Variants in EFCAB6 observed in about 807,000 individuals in gnomAD.
The protein encoded by EFCAB6 is EF-hand calcium binding domain 6.
EFCAB6 carries 156 observed loss-of-function variants against 169.8 expected under a neutral mutation model. The ratio of observed to expected loss-of-function variants is 0.92; its 90% CI spans 0.81 to 1.05. The LOEUF (loss-of-function observed/expected upper bound fraction) is 1.05. Among genes scored for constraint, EFCAB6 ranks in the 50% least tolerant of loss-of-function variants. The pLI is 0.00. For missense variants in EFCAB6, 1,800 were observed against 1,829.1 expected (o/e 0.98, Z 0.29); for synonymous variants, 698 against 676.4 (o/e 1.03, Z -0.50).
At chr22:43,649,714 A>C (rs1374792175) in intron 17 of EFCAB6, among the ~76,000 whole-genome samples, 1 of 152,182 alleles carries the variant, frequency 6.6e-6, no homozygotes, top group Non-Finnish European at 1.5e-5. Flanking sequence ...CAAATGAAAA[A>C]GACAGAAAAA....
At chr22:43,587,346 T>C (rs28485380) in intron 24 of EFCAB6, among the ~76,000 whole-genome samples, 38,558 of 152,226 alleles carry the variant, frequency 0.25, 5,257 homozygotes, top group African/African-American at 0.32. Context: ...TAGTTTCCTA[T>C]GGCTTTGTAC....
chr22:43,796,670 T>A (rs1458079201), intron 2 of EFCAB6, among the ~76,000 whole-genome samples: 1 of 152,044 alleles, frequency 6.6e-6, no homozygotes, highest in Non-Finnish European at 1.5e-5. Context: ...ATGTAAGAGC[T>A]GCAGACAATT....
chr22:43,547,193 T>C (rs1465609303), intron 27 of EFCAB6, among the ~76,000 whole-genome samples: 2 of 152,160 alleles, frequency 1.3e-5, no homozygotes, highest in African/African-American at 4.8e-5. Context: ...GGCAACTCAA[T>C]GTCATGTGCC....
chr22:43,584,501 G>T (rs2050932137), intron 24 of EFCAB6, among the ~76,000 whole-genome samples: 1 of 151,732 alleles, frequency 6.6e-6, no homozygotes, highest in Non-Finnish European at 1.5e-5. Context: ...TCACAGTGAA[G>T]ATCTGAGAAA....
At position 43,776,596 on chromosome 22, in the gene EFCAB6, A is replaced by G. The variant is rs189512454; in HGVS notation, c.140-3493T>C. ...AAGGATAAAAATGAGCCAGCCAGTC[A>G]AGAAGCTGAAGTAAGAATGTCTTCA... On this transcript the variant is annotated intron_variant, in intron 3 of 31. Transcript: ENST00000262726. 3.4e-3 allele frequency among the ~76,000 whole-genome samples: 511 copies of G among 152,350 alleles called. 2 individuals carry two copies. The highest frequency in any genetic ancestry group is 5.1e-3 in the Non-Finnish European group (350 of 68,028).
At chr22:43,725,576 A>T (rs1035105218) in intron 8 of EFCAB6, among the ~76,000 whole-genome samples, 4 of 152,226 alleles carry the variant, frequency 2.6e-5, no homozygotes, top group Non-Finnish European at 1.5e-5. Flanking sequence ...AAGTTTCAAC[A>T]TGAGTTTTGG....
chr22:43,663,936 C>T (rs2057124675), intron 17 of EFCAB6, among the ~76,000 whole-genome samples: 1 of 152,196 alleles, frequency 6.6e-6, no homozygotes, highest in Admixed American at 6.5e-5. Context: ...GTCCAGGGTA[C>T]TTTGTTAAAG....
At chr22:43,631,122 G>A (rs1254518564) in intron 19 of EFCAB6, among the ~76,000 whole-genome samples, 1 of 151,702 alleles carries the variant, frequency 6.6e-6, no homozygotes. Flanking sequence ...AGGCTGCTCT[G>A]ATACCCAGTC....
In EFCAB6 at chr22:43,558,236, G is replaced by GA. The variant is rs1225044640; in HGVS notation, c.3421-3141dup. On this transcript the variant is annotated intron_variant, in intron 26 of 31. Coordinates refer to ENST00000262726, the MANE Select transcript of EFCAB6 (RefSeq NM_022785.4). ...GGTAGAAAATCTCAATGGCATTTAGGAAAGTGGCTGGATTCAAGCTAAAAG... is the reference window on the plus strand; with the variant it reads ...GGTAGAAAATCTCAATGGCATTTAGGAAAAGTGGCTGGATTCAAGCTAAAAG... Among the ~76,000 whole-genome samples, 14 of 152,262 alleles carry GA rather than the reference G, an allele frequency of 9.2e-5. No homozygotes were observed. In the East Asian group the frequency reaches 2.7e-3, roughly 29 times the overall value.
At chr22:43,636,117 A>G (rs2055373726) in intron 17 of EFCAB6, among the ~76,000 whole-genome samples, 1 of 152,224 alleles carries the variant, frequency 6.6e-6, no homozygotes, top group Non-Finnish European at 1.5e-5. Flanking sequence ...GGGGCCAAAG[A>G]CGTCCAGGAT....
intron 28 of EFCAB6, among the ~76,000 whole-genome samples, chr22:43,539,176 C>T (rs1238166160): frequency 6.6e-6 from 1 of 152,178 alleles, no homozygotes; most frequent in African/African-American, 2.4e-5. Flanking sequence ...TTAGCAACTT[C>T]AGTTCTGTTT....
intron 12 of EFCAB6, among the ~76,000 whole-genome samples, chr22:43,679,627 CA>C (rs1462221988): frequency 6.6e-6 from 1 of 152,172 alleles, no homozygotes; most frequent in Non-Finnish European, 1.5e-5. Context: ...AGTATCTCCA[CA>C]TATCCTTGTC....
chr22:43,638,666 T>A (rs1191279443), intron 17 of EFCAB6, among the ~76,000 whole-genome samples: 1 of 152,250 alleles, frequency 6.6e-6, no homozygotes, highest in East Asian at 1.9e-4. Context: ...ACTTTTTTGG[T>A]GGTTTCTATG....
intron 16 of EFCAB6, 101 bp downstream of exon 16, chr22:43,668,771 A>C: frequency 8.8e-7 from 1 of 1,138,760 alleles, no homozygotes; most frequent in Non-Finnish European, 1.2e-6. Context: ...TTATTTATAA[A>C]ATGAAATATT....
intron 2 of EFCAB6, among the ~76,000 whole-genome samples, chr22:43,783,207 G>A (rs908807441): frequency 1.3e-5 from 2 of 152,190 alleles, no homozygotes; most frequent in Admixed American, 1.3e-4. Flanking sequence ...AGAGGCAATT[G>A]TTGTTTAAAA....
chr22:43,610,123 G>C (rs965274612), intron 21 of EFCAB6, among the ~76,000 whole-genome samples: 2 of 152,186 alleles, frequency 1.3e-5, no homozygotes, highest in Non-Finnish European at 1.5e-5. Context: ...TGACTCCAGA[G>C]TAGAATTCTT....
Position 43,687,816 on chromosome 22 carries a change from C to T in EFCAB6, c.1032-235G>A, listed in dbSNP as rs139403437. On this transcript the variant is annotated intron_variant, in intron 10 of 31. Transcript: ENST00000262726. ...CCTCTATATTGTTAATGGTGGCATACACTGAAAGAAGAATCTAAGGGATTT... is the reference window on the plus strand; with the variant it reads ...CCTCTATATTGTTAATGGTGGCATATACTGAAAGAAGAATCTAAGGGATTT... Among the ~76,000 whole-genome samples the T allele has an allele frequency of 5.3e-5, 8 of 152,276 alleles. No homozygotes were observed. In the East Asian group the frequency reaches 1.2e-3, roughly 22 times the overall value.
chr22:43,604,881 G>A (rs1221166393), intron 22 of EFCAB6, among the ~76,000 whole-genome samples: 4 of 152,130 alleles, frequency 2.6e-5, no homozygotes, highest in South Asian at 2.1e-4. Context: ...TTTCACACAC[G>A]CAAGGATCTC....
intron 6 of EFCAB6, among the ~76,000 whole-genome samples, chr22:43,748,916 GCTCTGGCTTATGTTTTGAACGGATAA>G (rs2060659233): frequency 6.6e-6 from 1 of 152,158 alleles, no homozygotes; most frequent in South Asian, 2.1e-4. Context: ...AGTCTGACGG[GCTCTGGCTTATGTTTTGAACGGATAA>G]CTCTGGCTGT....
Sources: allele counts gnomAD v4.1 joint callset (sites outside exome capture counted in the v4.1 genomes callset), GRCh38; gene constraint gnomAD v4.1.1; transcripts MANE v1.5; gene names NCBI Gene and HGNC (gene_info 2026-07-23, HGNC 2026-07-21).